Variants in CCDC183 observed in about 807,000 individuals in gnomAD.
CCDC183 encodes coiled-coil domain-containing protein 183.
Under a neutral mutation model 65.2 loss-of-function variants are expected in CCDC183, and 63 were observed. The observed-to-expected ratio is 0.97, with a 90% CI of 0.79 to 1.19. The LOEUF is 1.19. Ranked by LOEUF, CCDC183 falls within the 50% of genes most tolerant of loss-of-function variation. CCDC183 has a pLI of 0.00. For synonymous variants in CCDC183, 323 were observed against 276.5 expected (o/e 1.17, Z -1.67); for missense variants, 769 against 689.3 (o/e 1.12, Z -1.30).
chr9:136,800,159 G>A lies in CCDC183; in HGVS notation c.428G>A (p.Arg143Gln), dbSNP rs1214146567. 3.3e-6 allele frequency: 5 copies of A among 1,534,020 alleles called. No homozygotes were observed. Among genetic ancestry groups the A allele is most frequent in the Non-Finnish European group, 4.4e-6 (5 of 1,145,680 alleles). ...SQPDASKEEL[R>Q]LLQIIRQLEN... ...CCCGACGCCAGCAAGGAGGAGCTGC[G>A]GCTGCTGCAGGTGGAGAGGCGGGGC... The change falls in exon 4 of 14, where the codon CGG becomes CAG. Residue 143 changes from arginine (R) to glutamine (Q), a missense_variant. Arg to Gln is a conservative substitution (Grantham distance 43). Coordinates refer to ENST00000338005, the MANE Select transcript of CCDC183 (RefSeq NM_001039374.5).
At chr9:136,803,990 C>T (rs537296108) in intron 6 of CCDC183, 1 of 165,002 alleles carries the variant, frequency 6.1e-6, no homozygotes, top group South Asian at 1.5e-4. Flanking sequence ...GCGCTGATCA[C>T]CTGGGTATAC....
intron 2 of CCDC183, 173 bp from the exon 3 acceptor site, chr9:136,799,540 C>T (rs945387): frequency 0.31 from 218,653 of 696,988 alleles, 38,418 homozygotes; most frequent in East Asian, 0.76. Flanking sequence ...CACGTCGCCT[C>T]CGAACTTGGA....
In CCDC183 at chr9:136,806,739, C is replaced by T; in HGVS notation, c.1279-18C>T. On this transcript the variant is annotated intron_variant, in intron 11 of 13. Transcript: ENST00000338005. ...GGCAGGGCCAGAGGGGAGATGAGAC[C>T]CTCCTCCCGGCCTACAGAGAGAAGT... 1 of 1,613,464 alleles carries T rather than the reference C, an allele frequency of 6.2e-7. No individual in the cohort carries two copies. The highest frequency in any genetic ancestry group is 8.5e-7 in the Non-Finnish European group (1 of 1,180,010).
intron 1 of CCDC183, among the ~76,000 whole-genome samples, chr9:136,797,437 T>A (rs1847664277): frequency 7.1e-6 from 1 of 141,742 alleles, no homozygotes; most frequent in Admixed American, 7.0e-5. Context: ...ATACTTTGTG[T>A]CTTTTTTTTT....
chr9:136,799,824 C>CA, intron 3 of CCDC183, 34 bp downstream of exon 3: 1 of 1,578,492 alleles, frequency 6.3e-7, no homozygotes, highest in Non-Finnish European at 8.7e-7. Context: ...AGACCCAACC[C>CA]TCCCCACCCC....
In CCDC183 at chr9:136,799,296, G is replaced by A. The variant is rs958944909; in HGVS notation, c.192+73G>A. 7 of 1,509,824 alleles carry A rather than the reference G, an allele frequency of 4.6e-6. No homozygotes were observed. In the African/African-American group the frequency reaches 5.6e-5, roughly 12 times the overall value. 93.5% of individuals were successfully genotyped at this position (1,509,824 alleles called of 1,614,324 possible). On this transcript the variant is annotated intron_variant, in intron 2 of 13. Coordinates refer to ENST00000338005, the MANE Select transcript of CCDC183 (RefSeq NM_001039374.5). The stretch of plus-strand genomic sequence containing the variant: ...CTGAGTACACACACACTCGGAGGGC[G>A]GGCACCTCCTCTCCACCCCCACCCC...
chr9:136,804,499 C>G lies in CCDC183; in HGVS notation c.667-3C>G. On this transcript the variant is annotated splice_region_variant and splice_polypyrimidine_tract_variant and intron_variant, in intron 6 of 13. Coordinates refer to ENST00000338005, the MANE Select transcript of CCDC183 (RefSeq NM_001039374.5). The surrounding 1 kb of genome is among the most constrained non-coding windows in gnomAD (Gnocchi z 4.1). ...AACCCTGTGCCCACCCGCATGTCCCCAGAGGAACATGAGGCAAAGGGAGGC... is the reference window on the plus strand; with the variant it reads ...AACCCTGTGCCCACCCGCATGTCCCGAGAGGAACATGAGGCAAAGGGAGGC... 1 of 1,612,108 alleles carries G rather than the reference C, an allele frequency of 6.2e-7. No homozygotes were observed. Among genetic ancestry groups the G allele is most frequent in the Non-Finnish European group, 8.5e-7 (1 of 1,179,690 alleles).
chr9:136,803,878 T>G (rs1847794183), intron 6 of CCDC183: 1 of 154,990 alleles, frequency 6.5e-6, no homozygotes. Flanking sequence ...GCCCAAGGAC[T>G]GACCTGGAGC....
rs749875462 is a variant in CCDC183, at chr9:136,806,154, G to A, written c.1025G>A (p.Trp342Ter). 6.8e-5 allele frequency: 106 copies of A among 1,550,380 alleles called. No homozygotes were observed. Among genetic ancestry groups the A allele is most frequent in the African/African-American group, 4.4e-4 (32 of 73,048 alleles). The stretch of plus-strand genomic sequence containing the variant: ...CTGCAGATGGAGGACTGTGAGGAGT[G>A]GCGGGTGCAGCTGAAGGCCCTGGTG... ...LELQMEDCEEWRVQLKALVKQ... is the reference protein window; with the variant it reads ...LELQMEDCEE Residue 342 changes from tryptophan (W) to a stop codon, truncating the protein, a stop_gained, in exon 10 of 14, where the codon TGG becomes TAG. Transcript: ENST00000338005. LOFTEE classifies it high-confidence loss of function.
chr9:136,803,218 G>A (rs1439839355), intron 6 of CCDC183, among the ~76,000 whole-genome samples: 1 of 84,816 alleles, frequency 1.2e-5, no homozygotes, highest in Admixed American at 1.0e-4. Flanking sequence ...CAGGGCTGGG[G>A]GCCCCCCAGG....
intron 2 of CCDC183, 33 bp downstream of exon 2, chr9:136,799,256 C>A (rs777055423): frequency 2.5e-6 from 4 of 1,570,986 alleles, no homozygotes; most frequent in Admixed American, 1.8e-5. Context: ...CTCTGCCTGG[C>A]GAGCAGGGCA....
rs752396335 is a variant in CCDC183 at position 136,805,363 on chromosome 9, GAA to G, written c.857_858del (p.Lys286ArgfsTer34). 1.9e-6 allele frequency: 3 copies of G among 1,613,160 alleles called. No homozygotes were observed. In the South Asian group the frequency reaches 3.3e-5, roughly 18 times the overall value. ...CTCCCCTCTGCTCTGCCAGTGAGGAGAAAAGAGACCTCCACAGCAGAAATGGA... is the reference window on the plus strand; with the variant it reads ...CTCCCCTCTGCTCTGCCAGTGAGGAGAAGAGACCTCCACAGCAGAAATGGA... On this transcript the variant is annotated frameshift_variant, in exon 9 of 14. Transcript: ENST00000338005. LOFTEE classifies it high-confidence loss of function.
chr9:136,806,816 G>C lies in CCDC183; in HGVS notation c.1338G>C (p.Gly446=), dbSNP rs750691966. The change falls in exon 12 of 14, where the codon GGG becomes GGC. Residue 446 remains glycine (G), a synonymous_variant. Transcript: ENST00000338005. ...DLNSKLAYCE[G]KLTYLADRVQ... ...ACAGCAAGCTGGCGTACTGCGAGGG[G>C]AAGCTCACGTACCTGGCTGACAGAG... 12 of 1,613,650 alleles carry C rather than the reference G, an allele frequency of 7.4e-6. No individual in the cohort carries two copies. The highest frequency in any genetic ancestry group is 9.3e-6 in the Non-Finnish European group (11 of 1,180,032).
chr9:136,802,279 C>A (rs563025283), intron 5 of CCDC183, among the ~76,000 whole-genome samples: 1 of 152,364 alleles, frequency 6.6e-6, no homozygotes, highest in African/African-American at 2.4e-5. Context: ...GCTAAACTAG[C>A]TGGTCAGAAG....
chr9:136,804,609 C>T lies in CCDC183; in HGVS notation c.774C>T (p.Thr258=). The T allele has an allele frequency of 6.2e-7, 1 of 1,613,710 alleles. No individual in the cohort carries two copies. The part of the protein sequence containing the change: ...KLIDKIHTKE[T]SEKYRRGQMD... ...TCGACAAGATCCACACGAAGGAGAC[C>T]AGCGAGAAGTACCGCCGGGTAAGCC... is the stretch of plus-strand genomic sequence containing the variant. The change falls in exon 7 of 14, where the codon ACC becomes ACT. Residue 258 remains threonine, a synonymous_variant. Transcript: ENST00000338005. The surrounding 1 kb of genome is among the most constrained non-coding windows in gnomAD (Gnocchi z 4.1).
chr9:136,802,711 G>C lies in CCDC183; in HGVS notation c.591G>C (p.Val197=). Residue 197 remains valine (V), a synonymous_variant, in exon 6 of 14, where the codon GTG becomes GTC. Transcript: ENST00000338005. ...PIELDKLQNL[V]VNYCSELSDM... ...AGCTGGACAAGCTGCAGAACCTCGT[G>C]GTCAACTACTGCTCAGAGCTGTCGG... 1 of 1,613,518 alleles carries C rather than the reference G, an allele frequency of 6.2e-7. No individual in the cohort carries two copies. The highest frequency in any genetic ancestry group is 8.5e-7 in the Non-Finnish European group (1 of 1,179,872).
chr9:136,797,084 C>A (rs572463669), intron 1 of CCDC183, among the ~76,000 whole-genome samples: 2 of 152,178 alleles, frequency 1.3e-5, no homozygotes, highest in Non-Finnish European at 2.9e-5. Flanking sequence ...TCGTTCTATT[C>A]TAAGATAGGA....
intron 1 of CCDC183, among the ~76,000 whole-genome samples, chr9:136,797,398 C>T (rs1440353108): frequency 6.6e-6 from 1 of 151,288 alleles, no homozygotes; most frequent in Non-Finnish European, 1.5e-5. Context: ...CTGAGTGTGC[C>T]AGTCCCCTGG....
chr9:136,802,660 A>C lies in CCDC183; in HGVS notation c.544-4A>C, dbSNP rs533805328. The C allele has an allele frequency of 6.2e-7, 1 of 1,608,788 alleles. No individual in the cohort carries two copies. The highest frequency in any genetic ancestry group is 1.3e-5 in the African/African-American group (1 of 74,798). The stretch of plus-strand genomic sequence containing the variant: ...GGGCCACAAGAGAACCCCATTCAAC[A>C]CAGGTGCTGGCAGGATACCCCATTG... On this transcript the variant is annotated splice_polypyrimidine_tract_variant and splice_region_variant and intron_variant, in intron 5 of 13. Coordinates refer to ENST00000338005, the MANE Select transcript of CCDC183 (RefSeq NM_001039374.5).
Sources: gnomAD v4.1 joint callset for allele counts (sites outside exome capture counted in the v4.1 genomes callset) on GRCh38, gnomAD v4.1.1 for gene constraint, Gnocchi (gnomAD v3.1) non-coding constraint, MANE v1.5 for transcripts, NCBI Gene and HGNC (gene_info 2026-07-23, HGNC 2026-07-21) for gene names.